Variants in GAGE10 observed in about 807,000 individuals in gnomAD.
The protein encoded by GAGE10 is G antigen 10.
A neutral mutation model predicts 11.5 loss-of-function variants in GAGE10; 9 were observed. The observed-to-expected ratio is 0.78, with a 90% CI of 0.47 to 1.37. GAGE10 has a LOEUF of 1.37. GAGE10 is among the 40% of genes most tolerant of loss of function. GAGE10 has a pLI of 0.00. For missense variants in GAGE10, 83 were observed against 92.9 expected, an observed-to-expected ratio of 0.89 and a Z score of 0.44; for synonymous variants, 23 against 29.7, an observed-to-expected ratio of 0.77 and a Z score of 0.73.
At chrX:49,304,628 C>G (rs1304611519) in intron 1 of GAGE10, among the ~76,000 whole-genome samples, 2 of 112,849 alleles carry the variant, frequency 1.8e-5, no homozygotes, top group African/African-American at 3.2e-5. Context: ...AAAAAAATGT[C>G]CTCTGCGTTT....
At chrX:49,317,371 G>C in intron 4 of GAGE10, 83 bp downstream of exon 4, 1 of 1,126,509 alleles carries the variant, frequency 8.9e-7, no homozygotes, top group Non-Finnish European at 1.2e-6. Context: ...TTTTTGAGAT[G>C]GAGTCTTGCT....
chrX:49,311,133 C>G (rs2066375352), intron 3 of GAGE10, among the ~76,000 whole-genome samples: 1 of 111,644 alleles, frequency 9.0e-6, no homozygotes, highest in African/African-American at 3.3e-5. Context: ...GGACAACCCC[C>G]CTGGACTTGC....
chrX:49,316,551 C>G (rs2066392314), intron 3 of GAGE10, among the ~76,000 whole-genome samples: 1 of 111,455 alleles, frequency 9.0e-6, no homozygotes, highest in African/African-American at 3.3e-5. Context: ...AGACCCCACG[C>G]CCAACGCAGA....
intron 4 of GAGE10, 152 bp downstream of exon 4, chrX:49,317,440 T>C: frequency 1.1e-6 from 1 of 927,673 alleles, no homozygotes; most frequent in Non-Finnish European, 1.5e-6. Flanking sequence ...TTCCGCCTTC[T>C]GGGTTCAAGT....
At position 49,314,129 on chromosome X, in the gene GAGE10, G is replaced by A. The variant is rs2066383752; in HGVS notation, c.203-3034G>A. Among the ~76,000 whole-genome samples the A allele has an allele frequency of 1.8e-5, 2 of 112,128 alleles. 1 individual carries two copies. Among genetic ancestry groups the A allele is most frequent in the African/African-American group, 6.5e-5 (2 of 30,883 alleles). On this transcript the variant is annotated intron_variant, in intron 3 of 4. Transcript: ENST00000407599. ...TGTAGTGTAAACATGTTTCTATTAC[G>A]TACACTGATGTTGTTACCATTTCTG...
intron 3 of GAGE10, among the ~76,000 whole-genome samples, chrX:49,313,179 A>C (rs1273915885): frequency 8.9e-6 from 1 of 112,365 alleles, no homozygotes; most frequent in African/African-American, 3.2e-5. Flanking sequence ...GTGGTCCTGC[A>C]TTTGTGGCAG....
chrX:49,306,194 T>G (rs377209032), intron 3 of GAGE10, among the ~76,000 whole-genome samples: 7 of 112,360 alleles, frequency 6.2e-5, no homozygotes, highest in African/African-American at 2.3e-4. Context: ...AAATAATTTC[T>G]CCTAGATAAA....
At chrX:49,317,849 A>G (rs782796271) in intron 4 of GAGE10, among the ~76,000 whole-genome samples, 2 of 91,834 alleles carry the variant, frequency 2.2e-5, no homozygotes, top group South Asian at 1.2e-3. Context: ...CAATTTTCAG[A>G]TGCTTTTGTA....
intron 3 of GAGE10, among the ~76,000 whole-genome samples, chrX:49,313,336 T>C (rs1198382331): frequency 2.7e-5 from 3 of 112,240 alleles, no homozygotes; most frequent in Non-Finnish European, 3.8e-5. Flanking sequence ...TCACTTACGA[T>C]GGGATCAGGT....
intron 3 of GAGE10, among the ~76,000 whole-genome samples, chrX:49,311,202 C>T (rs1436600548): frequency 1.8e-5 from 2 of 111,770 alleles, no homozygotes; most frequent in Non-Finnish European, 3.8e-5. Flanking sequence ...GGTACGAGTC[C>T]GTCAATATCC....
chrX:49,316,525 T>A (rs2066392139), intron 3 of GAGE10, among the ~76,000 whole-genome samples: 1 of 111,506 alleles, frequency 9.0e-6, no homozygotes, highest in African/African-American at 3.3e-5. Flanking sequence ...GATTCCTTAA[T>A]TATCCCGCAG....
chrX:49,305,872 A>G lies in GAGE10; in HGVS notation c.202+348A>G, dbSNP rs1218282193. On this transcript the variant is annotated intron_variant, in intron 3 of 4. Coordinates refer to ENST00000407599, the MANE Select transcript of GAGE10 (RefSeq NM_001098413.4). Reference sequence around the variant, plus strand: ...TTCCTACCATCTATGTTGCTGTAAAAACGGAAATGATTTTGCTGAAAATGC... The same window carrying G: ...TTCCTACCATCTATGTTGCTGTAAAGACGGAAATGATTTTGCTGAAAATGC... Among the ~76,000 whole-genome samples, 9 of 111,243 alleles carry G rather than the reference A, an allele frequency of 8.1e-5. No homozygotes were observed. The South Asian group carries it at 1.1e-3, about 14-fold the overall frequency.
chrX:49,309,910 G>C (rs1169992904), intron 3 of GAGE10, among the ~76,000 whole-genome samples: 1 of 112,088 alleles, frequency 8.9e-6, no homozygotes, highest in Non-Finnish European at 1.9e-5. Flanking sequence ...CGCCTCTTAC[G>C]AGGACAAAAG....
chrX:49,306,705 C>G (rs1175764015), intron 3 of GAGE10, among the ~76,000 whole-genome samples: 1 of 111,746 alleles, frequency 8.9e-6, no homozygotes, highest in Non-Finnish European at 1.9e-5. Flanking sequence ...GGAGAAAGGT[C>G]TCAAGCTGGG....
At chrX:49,316,854 G>C (rs1490225219) in intron 3 of GAGE10, among the ~76,000 whole-genome samples, 1 of 111,060 alleles carries the variant, frequency 9.0e-6, no homozygotes, top group African/African-American at 3.3e-5. Context: ...TGCTGTGAGA[G>C]ACAGGATTTC....
At position 49,304,537 on chromosome X, in the gene GAGE10, G is replaced by A. The variant is rs147907497; in HGVS notation, c.-8-315G>A. On this transcript the variant is annotated intron_variant, in intron 1 of 4. Coordinates refer to ENST00000407599, the MANE Select transcript of GAGE10 (RefSeq NM_001098413.4). ...GGGAGGATCCCTTGAGCAGGAGGTC[G>A]ATGCTGCAGTGAGCTGTGATCACGC... 5.1e-3 allele frequency among the ~76,000 whole-genome samples: 571 copies of A among 112,407 alleles called. 3 individuals carry two copies. Among genetic ancestry groups the A allele is most frequent in the African/African-American group, 0.018 (552 of 30,937 alleles).
intron 3 of GAGE10, among the ~76,000 whole-genome samples, chrX:49,312,061 T>C (rs1380440817): frequency 8.9e-6 from 1 of 112,446 alleles, no homozygotes; most frequent in African/African-American, 3.2e-5. Flanking sequence ...ATTGGAATGA[T>C]GGTGGGTTGC....
chrX:49,310,578 C>T (rs2066373186), intron 3 of GAGE10, among the ~76,000 whole-genome samples: 1 of 111,775 alleles, frequency 8.9e-6, no homozygotes, highest in South Asian at 3.7e-4. Flanking sequence ...GCTTCCGAGG[C>T]AGATCCTGAT....
chrX:49,304,419 C>CAT (rs2066347907), intron 1 of GAGE10, among the ~76,000 whole-genome samples: 1 of 112,739 alleles, frequency 8.9e-6, no homozygotes, highest in Non-Finnish European at 1.9e-5. Context: ...CATGTGGAGT[C>CAT]CACTTGTGAA....
Sources: allele counts gnomAD v4.1 joint callset (sites outside exome capture counted in the v4.1 genomes callset), GRCh38; gene constraint gnomAD v4.1.1; transcripts MANE v1.5; gene names NCBI Gene and HGNC (gene_info 2026-07-23, HGNC 2026-07-21).